The following SLC39A12 variants were observed in gnomAD, a reference collection of about 807,000 sequenced individuals.
SLC39A12 encodes the protein zinc transporter ZIP12.
Under a neutral mutation model 71.1 loss-of-function variants are expected in SLC39A12, and 63 were observed. That is an observed-to-expected ratio of 0.89 (90% CI 0.72 to 1.09). SLC39A12 has a LOEUF of 1.09. SLC39A12 is among the 50% of genes least tolerant of loss of function. SLC39A12 has a pLI of 0.00. For synonymous variants in SLC39A12, 351 were observed against 301.3 expected (o/e 1.16, Z -1.71); for missense variants, 892 against 812.6 (o/e 1.10, Z -1.19).
intron 12 of SLC39A12, among the ~76,000 whole-genome samples, chr10:18,040,069 A>C (rs1356198474): frequency 1.3e-5 from 2 of 152,236 alleles, no homozygotes; most frequent in Non-Finnish European, 2.9e-5. Flanking sequence ...AAATATATGT[A>C]ATTTAAAACA....
chr10:18,000,627 G>C, intron 10 of SLC39A12, 40 bp from the exon 11 acceptor site: 1 of 1,602,986 alleles, frequency 6.2e-7, no homozygotes, highest in Non-Finnish European at 8.5e-7. Flanking sequence ...AATATGTAGT[G>C]CTCTGTTAAT....
At chr10:17,995,498 C>T (rs111803823) in intron 9 of SLC39A12, among the ~76,000 whole-genome samples, 158 bp from the exon 10 acceptor site, 1 of 152,188 alleles carries the variant, frequency 6.6e-6, no homozygotes, top group African/African-American at 2.4e-5. Flanking sequence ...AGACTTTCAG[C>T]TCTACATTGT....
At chr10:17,979,582 G>A (rs772306616) in intron 5 of SLC39A12, among the ~76,000 whole-genome samples, 1 of 152,122 alleles carries the variant, frequency 6.6e-6, no homozygotes, top group African/African-American at 2.4e-5. Context: ...AACAAGTGGT[G>A]CAAAAGAGAA....
intron 9 of SLC39A12, 31 bp from the exon 10 acceptor site, chr10:17,995,625 C>G: frequency 6.3e-7 from 1 of 1,596,140 alleles, no homozygotes; most frequent in South Asian, 1.1e-5. Flanking sequence ...CATTACTTAT[C>G]TTTCATCAGT....
intron 4 of SLC39A12, among the ~76,000 whole-genome samples, chr10:17,976,035 C>T (rs937011658): frequency 1.3e-5 from 2 of 152,196 alleles, no homozygotes; most frequent in African/African-American, 2.4e-5. Context: ...ACTGCTGCTA[C>T]TGGGGAGGTG....
At chr10:18,035,884 C>G (rs555785776) in intron 12 of SLC39A12, among the ~76,000 whole-genome samples, 1 of 152,164 alleles carries the variant, frequency 6.6e-6, no homozygotes, top group Admixed American at 6.5e-5. Context: ...CCCTCAGCTG[C>G]AGGTCTGTTG....
chr10:18,028,682 G>T (rs1407395996), intron 12 of SLC39A12, among the ~76,000 whole-genome samples: 2 of 152,150 alleles, frequency 1.3e-5, no homozygotes, highest in Non-Finnish European at 2.9e-5. Context: ...GACTAGGAAT[G>T]AGGTTATAGG....
At chr10:17,956,572 T>C (rs1834555380) in intron 2 of SLC39A12, among the ~76,000 whole-genome samples, 2 of 152,216 alleles carry the variant, frequency 1.3e-5, no homozygotes, top group African/African-American at 4.8e-5. Flanking sequence ...CACAGCAATG[T>C]CTGATTCCTC....
chr10:18,039,428 G>C (rs924582846), intron 12 of SLC39A12, among the ~76,000 whole-genome samples: 1 of 152,158 alleles, frequency 6.6e-6, no homozygotes, highest in Non-Finnish European at 1.5e-5. Context: ...GAAAACTATT[G>C]AGAATCAAAG....
At chr10:18,038,425 C>A (rs1837124387) in intron 12 of SLC39A12, among the ~76,000 whole-genome samples, 1 of 152,154 alleles carries the variant, frequency 6.6e-6, no homozygotes, top group South Asian at 2.1e-4. Flanking sequence ...CCAAGGTGGG[C>A]AGATTACCTG....
chr10:17,991,200 A>C lies in SLC39A12; in HGVS notation c.1319A>C (p.Glu440Ala), dbSNP rs370743816. The change falls in exon 8 of 13, where the codon GAA becomes GCA. Residue 440 changes from glutamate to alanine, a missense_variant. Coordinates refer to ENST00000377369, the MANE Select transcript of SLC39A12 (RefSeq NM_001145195.2). ...GCCCCAGAATTTGGGCATTTCCATG[A>C]AAGCAAAGGTCATATTTGGAAACTG... The part of the protein sequence containing the change: ...QEAPEFGHFH[E>A]SKGHIWKLMG... The C allele has an allele frequency of 6.3e-7, 1 of 1,588,082 alleles. No individual in the cohort carries two copies. The highest frequency in any genetic ancestry group is 8.5e-7 in the Non-Finnish European group (1 of 1,170,992).
rs549822982 is a variant in SLC39A12, at chr10:18,003,096, C to G, written c.1760-75C>G. The G allele has an allele frequency of 5.8e-6, 8 of 1,375,468 alleles. No homozygotes were observed. The East Asian group carries it at 1.6e-4, about 28-fold the overall frequency. The allele number at this position is 1,375,468 out of a possible 1,614,324, so 85.2% of individuals were successfully genotyped here. On this transcript the variant is annotated intron_variant, in intron 11 of 12. Transcript: ENST00000377369. ...GTTCCAGTGCTGACATTCGAAATAG[C>G]TAATAGTGCGTTACTTTAGCAAAGG...
intron 1 of SLC39A12, among the ~76,000 whole-genome samples, chr10:17,952,270 C>A (rs1209953258): frequency 6.6e-6 from 1 of 150,418 alleles, no homozygotes; most frequent in Non-Finnish European, 1.5e-5. Context: ...TTGATTGGCT[C>A]TAAAGTCATC....
rs551462790 is a variant in SLC39A12 at position 17,993,111 on chromosome 10, C to T, written c.1423-70C>T. The T allele has an allele frequency of 1.5e-4, 169 of 1,093,026 alleles. No individual in the cohort carries two copies. In the African/African-American group the frequency reaches 2.2e-3, roughly 15 times the overall value. 67.7% of individuals were successfully genotyped at this position (1,093,026 alleles called of 1,614,324 possible). ...TGGCCAATAGGCAATGGAATGGAACCGTGGCATTGACAAAGACTACACCTG... is the reference window on the plus strand; with the variant it reads ...TGGCCAATAGGCAATGGAATGGAACTGTGGCATTGACAAAGACTACACCTG... On this transcript the variant is annotated intron_variant, in intron 8 of 12. Transcript: ENST00000377369.
chr10:17,995,710 T>C lies in SLC39A12; in HGVS notation c.1588T>C (p.Ser530Pro), dbSNP rs1242331995. 36 of 1,612,814 alleles carry C rather than the reference T, an allele frequency of 2.2e-5. No homozygotes were observed. The highest frequency in any genetic ancestry group is 6.7e-5 in the African/African-American group (5 of 74,872). ...AEMPIGSMTA[S>P]NRKCKAISLL... Reference sequence around the variant, plus strand: ...AATGCCTATAGGCAGTATGACAGCCTCCAACAGAAAATGTGAGTACCAAGC... The same window carrying C: ...AATGCCTATAGGCAGTATGACAGCCCCCAACAGAAAATGTGAGTACCAAGC... The change falls in exon 10 of 13, where the codon TCC (serine) becomes CCC (proline). Residue 530 changes from serine to proline, a missense_variant. Transcript: ENST00000377369.
chr10:18,042,123 A>C (rs986977685), intron 12 of SLC39A12, among the ~76,000 whole-genome samples: 1 of 152,060 alleles, frequency 6.6e-6, no homozygotes, highest in African/African-American at 2.4e-5. Context: ...TTCACATTTA[A>C]ACATTTTCTG....
In SLC39A12 at chr10:17,967,896, A is replaced by T. The variant is rs867017843; in HGVS notation, c.751+2206A>T. ...AGCGAGACTCCGCCTCAAAAAAAAAAAAATATATATATATATATATATTTA... is the reference window on the plus strand; with the variant it reads ...AGCGAGACTCCGCCTCAAAAAAAAATAAATATATATATATATATATATTTA... On this transcript the variant is annotated intron_variant, in intron 4 of 12. Coordinates refer to ENST00000377369, the MANE Select transcript of SLC39A12 (RefSeq NM_001145195.2). Among the ~76,000 whole-genome samples, 490 of 124,628 alleles carry T rather than the reference A, an allele frequency of 3.9e-3. 3 individuals are homozygous for T. Among genetic ancestry groups the T allele is most frequent in the African/African-American group, 0.012 (327 of 28,134 alleles). 81.8% of individuals were successfully genotyped at this position (124,628 alleles called of 152,430 possible).
chr10:18,036,651 A>G (rs1222114013), intron 12 of SLC39A12, among the ~76,000 whole-genome samples: 1 of 150,662 alleles, frequency 6.6e-6, no homozygotes, highest in African/African-American at 2.4e-5. Flanking sequence ...AGCTGTTCCT[A>G]TTCGGCCATC....
At chr10:18,032,145 T>A (rs970321916) in intron 12 of SLC39A12, among the ~76,000 whole-genome samples, 6 of 123,570 alleles carry the variant, frequency 4.9e-5, no homozygotes, top group Non-Finnish European at 9.9e-5. Context: ...CTTTTTTGGT[T>A]CCATATGAAC....
Sources: allele counts gnomAD v4.1 joint callset (sites outside exome capture counted in the v4.1 genomes callset), GRCh38; gene constraint gnomAD v4.1.1; transcripts MANE v1.5; gene names NCBI Gene and HGNC (gene_info 2026-07-23, HGNC 2026-07-21).